Variants in MBOAT2 observed in about 807,000 individuals in gnomAD.
MBOAT2 encodes the protein membrane-bound glycerophospholipid O-acyltransferase 2.
MBOAT2 carries 28 observed loss-of-function variants against 63.4 expected under a neutral mutation model. The ratio of observed to expected loss-of-function variants is 0.44; its 90% CI spans 0.33 to 0.61. The LOEUF (loss-of-function observed/expected upper bound fraction) is 0.61. Ranked by LOEUF, MBOAT2 falls within the 20% of genes least tolerant of loss-of-function variation. MBOAT2 has a pLI of 0.03. For synonymous variants in MBOAT2, 211 were observed against 215.6 expected, an observed-to-expected ratio of 0.98 and a Z score of 0.19; for missense variants, 470 against 605.8, an observed-to-expected ratio of 0.78 and a Z score of 2.35.
At chr2:8,890,827 T>C (rs1663939843) in intron 4 of MBOAT2, among the ~76,000 whole-genome samples, 1 of 152,226 alleles carries the variant, frequency 6.6e-6, no homozygotes, top group African/African-American at 2.4e-5. Flanking sequence ...GGCCAATAAA[T>C]ATTTTTAAAA....
At chr2:8,861,871 C>A (rs1045613371) in intron 11 of MBOAT2, among the ~76,000 whole-genome samples, 19 of 152,232 alleles carry the variant, frequency 1.2e-4, no homozygotes, top group African/African-American at 4.6e-4. Flanking sequence ...TGGAAGCTAC[C>A]CTTAGTTAAT....
intron 7 of MBOAT2, among the ~76,000 whole-genome samples, chr2:8,876,400 T>C (rs1662703600): frequency 1.3e-5 from 2 of 152,230 alleles, no homozygotes; most frequent in African/African-American, 4.8e-5. Context: ...CTGTGAAGGC[T>C]GAAAGAGTAA....
At chr2:8,902,232 G>A (rs989877262) in intron 4 of MBOAT2, among the ~76,000 whole-genome samples, 1 of 152,196 alleles carries the variant, frequency 6.6e-6, no homozygotes, top group African/African-American at 2.4e-5. Flanking sequence ...TGGCCAACAG[G>A]TGCCCAGTAT....
At chr2:8,916,384 G>A (rs1173287919) in intron 3 of MBOAT2, among the ~76,000 whole-genome samples, 1 of 152,172 alleles carries the variant, frequency 6.6e-6, no homozygotes, top group Non-Finnish European at 1.5e-5. Flanking sequence ...TTCTAGAACG[G>A]AACATTTTCT....
intron 1 of MBOAT2, among the ~76,000 whole-genome samples, chr2:8,987,765 C>T (rs999967695): frequency 2.6e-5 from 4 of 151,990 alleles, no homozygotes; most frequent in South Asian, 2.1e-4. Context: ...GTGGTGGCTG[C>T]GTTACAAAAA....
chr2:8,949,046 T>C (rs1668625759), intron 2 of MBOAT2, among the ~76,000 whole-genome samples: 1 of 152,214 alleles, frequency 6.6e-6, no homozygotes, highest in Non-Finnish European at 1.5e-5. Flanking sequence ...TGGTATGAGA[T>C]GGTATCTCAT....
intron 3 of MBOAT2, among the ~76,000 whole-genome samples, chr2:8,925,210 T>A (rs553530541): frequency 1.3e-3 from 199 of 152,046 alleles, no homozygotes; most frequent in African/African-American, 4.6e-3. Flanking sequence ...TTAGAACCTA[T>A]CACTGACTGT....
At chr2:8,978,066 A>C (rs1316946747) in intron 1 of MBOAT2, among the ~76,000 whole-genome samples, 2 of 152,074 alleles carry the variant, frequency 1.3e-5, no homozygotes, top group African/African-American at 4.8e-5. Context: ...TGAGGCCACC[A>C]ATACCCAGAC....
intron 1 of MBOAT2, among the ~76,000 whole-genome samples, chr2:8,998,927 A>G (rs1672496338): frequency 6.6e-6 from 1 of 152,214 alleles, no homozygotes; most frequent in South Asian, 2.1e-4. Context: ...CCGTGAAGCT[A>G]AATACTTCAG....
At chr2:8,936,677 G>A (rs1280117255) in intron 3 of MBOAT2, among the ~76,000 whole-genome samples, 1 of 151,374 alleles carries the variant, frequency 6.6e-6, no homozygotes, top group Non-Finnish European at 1.5e-5. Context: ...AGCTACTTGG[G>A]AGGCTGAGGC....
At chr2:8,902,782 G>C (rs1665052916) in intron 4 of MBOAT2, among the ~76,000 whole-genome samples, 1 of 152,160 alleles carries the variant, frequency 6.6e-6, no homozygotes, top group South Asian at 2.1e-4. Context: ...AAGGTGGCGG[G>C]GACCCAAAGA....
intron 7 of MBOAT2, among the ~76,000 whole-genome samples, chr2:8,874,452 A>C (rs1662561219): frequency 6.6e-6 from 1 of 152,228 alleles, no homozygotes; most frequent in Non-Finnish European, 1.5e-5. Flanking sequence ...AGGTGAAATA[A>C]ATGGCCCCAT....
chr2:8,982,299 C>G (rs1437852329), intron 1 of MBOAT2, among the ~76,000 whole-genome samples: 4 of 152,146 alleles, frequency 2.6e-5, no homozygotes, highest in African/African-American at 9.7e-5. Flanking sequence ...CTGTACTACA[C>G]TTCACAAAAA....
At chr2:8,861,579 T>G (rs1361524286) in intron 11 of MBOAT2, among the ~76,000 whole-genome samples, 1 of 152,224 alleles carries the variant, frequency 6.6e-6, no homozygotes, top group Non-Finnish European at 1.5e-5. Context: ...CACTAAGAAT[T>G]ATGGGTTTTG....
chr2:8,910,387 A>G (rs775677020), intron 3 of MBOAT2, among the ~76,000 whole-genome samples: 28 of 152,206 alleles, frequency 1.8e-4, no homozygotes, highest in Middle Eastern at 3.2e-3. Flanking sequence ...CTGATTCCAC[A>G]TGAAAAAGAG....
Position 8,908,683 on chromosome 2 carries a change from T to G in MBOAT2, c.333A>C (p.Thr111=). 1 of 1,611,996 alleles carries G rather than the reference T, an allele frequency of 6.2e-7. No individual in the cohort carries two copies. Among genetic ancestry groups the G allele is most frequent in the Non-Finnish European group, 8.5e-7 (1 of 1,178,666 alleles). ...YCFVFALGYL[T]VCQVTRVYIF... is the part of the protein sequence containing the mutation. The stretch of plus-strand genomic sequence containing the variant: ...TATAGACTCGAGTAACTTGGCACAC[T>G]GTGAGGTATCCCAGAGCAAACACAA... The change falls in exon 4 of 13, where the codon ACA becomes ACC. Residue 111 remains threonine (T), a synonymous_variant. Transcript: ENST00000305997.
At chr2:8,977,221 AT>A (rs771313429) in intron 1 of MBOAT2, among the ~76,000 whole-genome samples, 4 of 151,712 alleles carry the variant, frequency 2.6e-5, no homozygotes, top group Non-Finnish European at 5.9e-5. Context: ...AGCTGTTTAA[AT>A]TTTTTTTTAA....
intron 4 of MBOAT2, among the ~76,000 whole-genome samples, chr2:8,902,832 A>C (rs1361356344): frequency 6.6e-6 from 1 of 152,202 alleles, no homozygotes; most frequent in East Asian, 1.9e-4. Context: ...GCAAAAGAAC[A>C]AAAAGCCTTC....
At chr2:8,942,410 A>C (rs1668119007) in intron 3 of MBOAT2, among the ~76,000 whole-genome samples, 1 of 152,200 alleles carries the variant, frequency 6.6e-6, no homozygotes, top group South Asian at 2.1e-4. Context: ...CTGGGTTTTC[A>C]ATCAAGTACA....
Sources: gnomAD v4.1 joint callset for allele counts (sites outside exome capture counted in the v4.1 genomes callset) on GRCh38, gnomAD v4.1.1 for gene constraint, MANE v1.5 for transcripts, NCBI Gene and HGNC (gene_info 2026-07-23, HGNC 2026-07-21) for gene names.